CNST: variants seen among roughly 807,000 people sequenced by gnomAD.
CNST encodes consortin.
In CNST, 39 loss-of-function variants were observed where a neutral mutation model predicts 72.4. The observed-to-expected ratio is 0.54, with a 90% CI of 0.42 to 0.70. CNST has a LOEUF of 0.70. Among genes scored for constraint, CNST ranks in the 30% least tolerant of loss-of-function variants. The probability of loss-of-function intolerance (pLI) is 0.00; values close to 1 mark genes in which losing one functional copy is unlikely to be tolerated. For missense variants in CNST, 871 were observed against 868.5 expected, an observed-to-expected ratio of 1.00 and a Z score of -0.04; for synonymous variants, 332 against 320.1, an observed-to-expected ratio of 1.04 and a Z score of -0.40.
chr1:246,629,622 C>A (rs1264527719), intron 3 of CNST, among the ~76,000 whole-genome samples: 1 of 152,146 alleles, frequency 6.6e-6, no homozygotes, highest in Non-Finnish European at 1.5e-5. Flanking sequence ...CTTTGAAGAG[C>A]CAGACATTTT....
Position 246,650,162 on chromosome 1 carries a change from G to A in CNST, c.1836+2125G>A, listed in dbSNP as rs147833394. Among the ~76,000 whole-genome samples, 1,100 of 152,150 alleles carry A rather than the reference G, an allele frequency of 7.2e-3. 10 individuals are homozygous for A. Among genetic ancestry groups the A allele is most frequent in the African/African-American group, 0.025 (1,051 of 41,480 alleles). The stretch of plus-strand genomic sequence containing the variant: ...GGTGGCAGATTGTTAAATTAATGTT[G>A]CGTATTACAATTAAATGGAATATTC... On this transcript the variant is annotated intron_variant, in intron 9 of 10. Coordinates refer to ENST00000366513, the MANE Select transcript of CNST (RefSeq NM_152609.3).
chr1:246,629,762 C>T (rs1664657144), intron 3 of CNST, among the ~76,000 whole-genome samples: 1 of 152,050 alleles, frequency 6.6e-6, no homozygotes, highest in South Asian at 2.1e-4. Context: ...GACAGAGTTT[C>T]ACACTGTCAC....
Position 246,657,906 on chromosome 1 carries a change from CAGAA to C in CNST, c.1837-2289_1837-2286del, listed in dbSNP as rs373017931. On this transcript the variant is annotated intron_variant, in intron 9 of 10. Transcript: ENST00000366513. The stretch of plus-strand genomic sequence containing the variant: ...GAATTTATAGATGCAGAATTCATAT[CAGAA>C]AGATCAATTAAGAGCAACACAACTC... 2.7e-3 allele frequency among the ~76,000 whole-genome samples: 417 copies of C among 152,242 alleles called. 3 individuals carry two copies. The highest frequency in any genetic ancestry group is 9.7e-3 in the African/African-American group (401 of 41,514).
At chr1:246,606,370 A>T (rs1662814346) in intron 2 of CNST, 1 of 152,012 alleles carries the variant, frequency 6.6e-6, no homozygotes, top group Non-Finnish European at 1.5e-5. Context: ...TACACGGGCT[A>T]CTTTTCTGAT....
intron 1 of CNST, among the ~76,000 whole-genome samples, chr1:246,584,790 A>T (rs543700595): frequency 6.6e-6 from 1 of 152,080 alleles, no homozygotes; most frequent in Non-Finnish European, 1.5e-5. Context: ...TGCTCCCAAC[A>T]TACCACTCCC....
At chr1:246,572,907 G>A (rs555650662) in intron 1 of CNST, among the ~76,000 whole-genome samples, 2 of 151,966 alleles carry the variant, frequency 1.3e-5, no homozygotes, top group Non-Finnish European at 2.9e-5. Context: ...TAACATTTTA[G>A]ATTTTTTTTT....
At chr1:246,655,532 G>A (rs1014282320) in intron 9 of CNST, among the ~76,000 whole-genome samples, 2 of 152,174 alleles carry the variant, frequency 1.3e-5, no homozygotes, top group Admixed American at 6.5e-5. Flanking sequence ...TGTGTCTCTA[G>A]ATGGGCAAAT....
At chr1:246,618,703 TG>T (rs1447382272) in intron 2 of CNST, among the ~76,000 whole-genome samples, 1 of 152,250 alleles carries the variant, frequency 6.6e-6, no homozygotes, top group Non-Finnish European at 1.5e-5. Flanking sequence ...TGAGTTTCTC[TG>T]GTTACATCAT....
intron 2 of CNST, among the ~76,000 whole-genome samples, chr1:246,615,206 C>G (rs537783711): frequency 2.0e-5 from 3 of 152,144 alleles, no homozygotes; most frequent in Non-Finnish European, 2.9e-5. Flanking sequence ...GACGGAGTCT[C>G]GCTCTGTCAC....
intron 2 of CNST, among the ~76,000 whole-genome samples, chr1:246,603,716 G>C (rs537744534): frequency 6.6e-6 from 1 of 152,300 alleles, no homozygotes; most frequent in South Asian, 2.1e-4. Flanking sequence ...GAAATGTCCA[G>C]AATAGGCAAA....
chr1:246,636,888 T>G (rs941345490), intron 6 of CNST, among the ~76,000 whole-genome samples: 33 of 152,150 alleles, frequency 2.2e-4, no homozygotes, highest in African/African-American at 7.7e-4. Flanking sequence ...CTTTCCTCTG[T>G]GGTGGAAAGA....
intron 6 of CNST, among the ~76,000 whole-genome samples, chr1:246,635,175 C>A (rs1665111423): frequency 1.3e-5 from 2 of 152,150 alleles, no homozygotes; most frequent in South Asian, 2.1e-4. Context: ...ATAACTACTT[C>A]AGGTGTGACA....
rs1370549935 is a variant in CNST, at chr1:246,667,115, G to A, written c.*1210G>A. On this transcript the variant is annotated 3_prime_UTR_variant, in exon 11 of 11. Coordinates refer to ENST00000366513, the MANE Select transcript of CNST (RefSeq NM_152609.3). ...TAGGAAGCCTTGCTTTGACTTTATC[G>A]GGCAGCATTAAAAAAAAAACAACAA... 3.3e-5 allele frequency: 5 copies of A among 151,224 alleles called. No individual in the cohort carries two copies. In the East Asian group the frequency reaches 7.8e-4, roughly 23 times the overall value. The allele number at this position is 151,224 out of a possible 1,614,324, so 9.4% of individuals were successfully genotyped here. A position where few individuals can be genotyped will look rare whatever the true frequency, so the allele number is the denominator to read the frequency against.
At chr1:246,608,589 A>G (rs1663084566) in intron 2 of CNST, among the ~76,000 whole-genome samples, 1 of 152,216 alleles carries the variant, frequency 6.6e-6, no homozygotes. Context: ...AGCAGGCTCT[A>G]GACAGTGGTG....
chr1:246,584,748 A>G (rs1661027031), intron 1 of CNST, among the ~76,000 whole-genome samples: 3 of 152,224 alleles, frequency 2.0e-5, no homozygotes, highest in African/African-American at 7.2e-5. Context: ...CACACTGGCT[A>G]TTTTAAACCT....
chr1:246,647,340 C>T lies in CNST; in HGVS notation c.1139C>T (p.Thr380Ile). The change falls in exon 9 of 11, where the codon ACA becomes ATA. Residue 380 changes from threonine (T) to isoleucine (I), a missense_variant. Thr to Ile is a moderately conservative substitution (Grantham distance 89). Transcript: ENST00000366513. ...TLALHTQSSE[T>I]AGSPSGPDSS... ...GCGCTCCACACCCAGTCCTCCGAGA[C>T]AGCAGGGAGCCCGTCTGGGCCAGAC... 1 of 1,614,134 alleles carries T rather than the reference C, an allele frequency of 6.2e-7. No individual in the cohort carries two copies. Among genetic ancestry groups the T allele is most frequent in the Non-Finnish European group, 8.5e-7 (1 of 1,180,022 alleles).
rs149985350 is a variant in CNST at position 246,572,889 on chromosome 1, A to G, written c.-52+6226A>G. Among the ~76,000 whole-genome samples the G allele has an allele frequency of 4.4e-3, 663 of 152,244 alleles. 3 individuals are homozygous for G. The highest frequency in any genetic ancestry group is 0.015 in the African/African-American group (636 of 41,542). On this transcript the variant is annotated intron_variant, in intron 1 of 10. Transcript: ENST00000366513. ...GAGTTATTTGTTTTTACCTCATGAA[A>G]CAACAACTAACATTTTAGATTTTTT...
At chr1:246,626,842 C>A (rs116469671) in intron 3 of CNST, among the ~76,000 whole-genome samples, 2,387 of 152,246 alleles carry the variant, frequency 0.016, 24 homozygotes, top group Middle Eastern at 0.037. Flanking sequence ...GATGTACAAA[C>A]TCAAACTTTG....
intron 1 of CNST, among the ~76,000 whole-genome samples, chr1:246,587,343 G>C (rs547233208): frequency 1.3e-5 from 2 of 152,268 alleles, no homozygotes; most frequent in African/African-American, 4.8e-5. Flanking sequence ...ATTTGCTTTT[G>C]CCATTGTATT....
Sources: allele counts gnomAD v4.1 joint callset (sites outside exome capture counted in the v4.1 genomes callset), GRCh38; gene constraint gnomAD v4.1.1; transcripts MANE v1.5; gene names NCBI Gene and HGNC (gene_info 2026-07-23, HGNC 2026-07-21).